Variants in ZNF512 observed in about 807,000 individuals in gnomAD.
ZNF512 encodes the protein zinc finger protein 512.
In ZNF512, 25 loss-of-function variants were observed where a neutral mutation model predicts 77.5. The observed-to-expected ratio is 0.32, with a 90% CI of 0.23 to 0.45. ZNF512 has a LOEUF of 0.45. Among genes scored for constraint, ZNF512 ranks in the 20% least tolerant of loss-of-function variants. The pLI is 1.00. For missense variants in ZNF512, 483 were observed against 692.6 expected (o/e 0.70, Z 3.40); for synonymous variants, 246 against 239.9 (o/e 1.03, Z -0.24).
intron 13 of ZNF512, among the ~76,000 whole-genome samples, chr2:27,620,948 C>T (rs555868984): frequency 6.6e-6 from 1 of 152,250 alleles, no homozygotes; most frequent in Non-Finnish European, 1.5e-5. Context: ...CCTAGAATTA[C>T]GCCTTACAAA....
intron 9 of ZNF512, among the ~76,000 whole-genome samples, chr2:27,606,082 A>G (rs1018406453): frequency 1.9e-5 from 1 of 53,844 alleles, no homozygotes; most frequent in African/African-American, 7.0e-5. Context: ...CTTGTTGACC[A>G]TCTTTGCATG....
intron 12 of ZNF512, chr2:27,617,098 A>C (rs1200433495): frequency 4.9e-6 from 1 of 203,276 alleles, no homozygotes; most frequent in Non-Finnish European, 1.0e-5. Flanking sequence ...AGTGGGAAGA[A>C]TTGTACATTG....
intron 10 of ZNF512, 37 bp downstream of exon 10, chr2:27,608,076 T>A: frequency 6.6e-7 from 1 of 1,511,040 alleles, no homozygotes; most frequent in Non-Finnish European, 8.8e-7. Context: ...GGAACCATTA[T>A]GTCTAACGTT....
intron 2 of ZNF512, among the ~76,000 whole-genome samples, chr2:27,593,197 C>T (rs1671673834): frequency 5.5e-5 from 1 of 18,280 alleles, no homozygotes; most frequent in South Asian, 1.5e-3. Flanking sequence ...CCTGTCTCTA[C>T]ACACACACAC....
At chr2:27,593,221 C>T (rs1572908227) in intron 2 of ZNF512, among the ~76,000 whole-genome samples, 2 of 149,690 alleles carry the variant, frequency 1.3e-5, no homozygotes, top group East Asian at 4.0e-4. Context: ...CACACACACA[C>T]ACACACACAC....
intron 10 of ZNF512, among the ~76,000 whole-genome samples, chr2:27,613,768 C>G (rs919918912): frequency 2.0e-5 from 3 of 152,026 alleles, no homozygotes; most frequent in Non-Finnish European, 4.4e-5. Flanking sequence ...ACTGTGTAAC[C>G]TGGAAATTAC....
chr2:27,617,950 C>CT (rs34050504), intron 13 of ZNF512, among the ~76,000 whole-genome samples: 31,368 of 128,222 alleles, frequency 0.24, 4,613 homozygotes, highest in East Asian at 0.47. Context: ...TCCTTGAACT[C>CT]TTTTTTTTTT....
At chr2:27,618,163 A>C (rs182429361) in intron 13 of ZNF512, among the ~76,000 whole-genome samples, 250 of 151,948 alleles carry the variant, frequency 1.6e-3, no homozygotes, top group Non-Finnish European at 2.8e-3. Context: ...CAGGTGATTC[A>C]CTCGCCTTGG....
intron 10 of ZNF512, 119 bp from the exon 11 acceptor site, chr2:27,615,049 T>G (rs901158422): frequency 2.2e-5 from 13 of 604,490 alleles, no homozygotes; most frequent in African/African-American, 9.4e-5. Flanking sequence ...TACAGTTTTT[T>G]TGTGTACAAG....
chr2:27,602,621 C>G (rs1672171795), intron 8 of ZNF512, 60 bp downstream of exon 8: 2 of 1,448,500 alleles, frequency 1.4e-6, no homozygotes, highest in African/African-American at 2.8e-5. Flanking sequence ...GTCTTTCGTT[C>G]TTCTTTCCAT....
chr2:27,611,968 G>A (rs1435860123), intron 10 of ZNF512, among the ~76,000 whole-genome samples: 1 of 152,124 alleles, frequency 6.6e-6, no homozygotes, highest in Non-Finnish European at 1.5e-5. Flanking sequence ...TTACAGGCAT[G>A]AACCACCGTG....
chr2:27,621,453 A>G lies in ZNF512; in HGVS notation c.1696A>G (p.Arg566Gly), dbSNP rs34677880. 5.0e-5 allele frequency: 81 copies of G among 1,609,128 alleles called. No homozygotes were observed. In the African/African-American group the frequency reaches 7.9e-4, roughly 16 times the overall value. Residue 566 changes from arginine to glycine, a missense_variant, in exon 14 of 14, where the codon AGG (arginine) becomes GGG (glycine). Coordinates refer to ENST00000355467, the MANE Select transcript of ZNF512 (RefSeq NM_032434.4). ...KPPKTNHKRGRK is the reference protein window; with the variant it reads ...KPPKTNHKRGGK ...CCCAAAGACTAATCATAAACGAGGA[A>G]GGAAATAGGCAGTCAGTGTAAAAGT...
intron 10 of ZNF512, among the ~76,000 whole-genome samples, chr2:27,609,291 T>TA (rs1672505629): frequency 6.6e-6 from 1 of 152,310 alleles, no homozygotes; most frequent in Admixed American, 6.5e-5. Context: ...GTTTTGGACT[T>TA]ATTTCTACAT....
intron 5 of ZNF512, 109 bp downstream of exon 5, chr2:27,600,162 T>G: frequency 8.1e-7 from 1 of 1,238,850 alleles, no homozygotes; most frequent in Non-Finnish European, 1.2e-6. Context: ...AAGGAGGCAG[T>G]TACTAAGGGC....
At chr2:27,610,568 ATTTTTTTTTTT>A (rs767964486) in intron 10 of ZNF512, among the ~76,000 whole-genome samples, 16 of 18,178 alleles carry the variant, frequency 8.8e-4, no homozygotes, top group East Asian at 2.0e-3. Context: ...ATATATATAT[ATTTTTTTTTTT>A]TTTTTTTTTT....
chr2:27,599,030 G>A (rs750603879), intron 3 of ZNF512, among the ~76,000 whole-genome samples: 1 of 152,072 alleles, frequency 6.6e-6, no homozygotes, highest in Non-Finnish European at 1.5e-5. Flanking sequence ...TAGCAGAGAC[G>A]GGGTTTCTCC....
In ZNF512 at chr2:27,599,970, G is replaced by A; in HGVS notation, c.374G>A (p.Gly125Glu). The A allele has an allele frequency of 6.2e-7, 1 of 1,614,174 alleles. No individual in the cohort carries two copies. Among genetic ancestry groups the A allele is most frequent in the Non-Finnish European group, 8.5e-7 (1 of 1,180,000 alleles). The change falls in exon 5 of 14, where the codon GGG becomes GAG. Residue 125 changes from glycine (G) to glutamate (E), a missense_variant and splice_region_variant. This residue lies in a region of ZNF512 where 159 missense variants were observed against 167.5 expected (regional missense o/e 0.95). Transcript: ENST00000355467. Reference sequence around the variant, plus strand: ...GCTTCAAGTTTCTGTCTTATGTCAGGGAGGAAGCAACGGCCTAAAACTCAG... The same window carrying A: ...GCTTCAAGTTTCTGTCTTATGTCAGAGAGGAAGCAACGGCCTAAAACTCAG... ...EFPQKKHKLYGRKQRPKTQPN... is the reference protein window; with the variant it reads ...EFPQKKHKLYERKQRPKTQPN...
intron 9 of ZNF512, among the ~76,000 whole-genome samples, chr2:27,605,201 C>A (rs1307277838): frequency 6.6e-6 from 1 of 152,110 alleles, no homozygotes; most frequent in African/African-American, 2.4e-5. Context: ...TGCCTGTAAT[C>A]CCAGCACTTT....
chr2:27,619,958 TATA>T (rs1327415635), intron 13 of ZNF512, among the ~76,000 whole-genome samples: 1 of 152,214 alleles, frequency 6.6e-6, no homozygotes, highest in Non-Finnish European at 1.5e-5. Flanking sequence ...CTGATTATCT[TATA>T]ATGTTTTTTC....
Sources: gnomAD v4.1 joint callset for allele counts (sites outside exome capture counted in the v4.1 genomes callset) on GRCh38, gnomAD v4.1.1 for gene constraint, gnomAD v4.1.1 regional missense constraint, MANE v1.5 for transcripts, NCBI Gene and HGNC (gene_info 2026-07-23, HGNC 2026-07-21) for gene names.